The following SPATA18 variants were observed in gnomAD, a reference collection of about 807,000 sequenced individuals.
The protein encoded by SPATA18 is mitochondria-eating protein.
A neutral mutation model predicts 68.1 loss-of-function variants in SPATA18; 54 were observed. The ratio of observed to expected loss-of-function variants is 0.79; its 90% CI spans 0.64 to 0.99. The LOEUF (loss-of-function observed/expected upper bound fraction) is 0.99, where lower values mean the gene tolerates loss of function less well. Ranked by LOEUF, SPATA18 falls within the 50% of genes least tolerant of loss-of-function variation. The pLI, the probability that SPATA18 is intolerant of heterozygous loss-of-function variation, is 0.00. For missense variants in SPATA18, 724 were observed against 681.1 expected (o/e 1.06, Z -0.70); for synonymous variants, 242 against 244.8 (o/e 0.99, Z 0.11).
chr4:52,060,620 T>G, intron 2 of SPATA18, 96 bp downstream of exon 2: 1 of 1,298,106 alleles, frequency 7.7e-7, no homozygotes, highest in Non-Finnish European at 1.1e-6. Flanking sequence ...GTGGTTGGGT[T>G]TCTCTCACTG....
Position 52,060,427 on chromosome 4 carries a change from G to GTGTGATCAAAATCTAAACCATTGC in SPATA18, c.97_120dup (p.Cys33_Cys40dup). ...CTGTTTTGCCCTTGCAGACAAACAC[G>GTGTGATCAAAATCTAAACCATTGC]TGTGATCAAAATCTAAACCATTGCC... On this transcript the variant is annotated inframe_insertion, in exon 2 of 13. Coordinates refer to ENST00000295213, the MANE Select transcript of SPATA18 (RefSeq NM_145263.4). The GTGTGATCAAAATCTAAACCATTGC allele has an allele frequency of 6.2e-7, 1 of 1,613,876 alleles. No individual in the cohort carries two copies. Among genetic ancestry groups the GTGTGATCAAAATCTAAACCATTGC allele is most frequent in the Non-Finnish European group, 8.5e-7 (1 of 1,179,886 alleles).
At chr4:52,083,799 G>A (rs1467304427) in intron 10 of SPATA18, among the ~76,000 whole-genome samples, 1 of 149,830 alleles carries the variant, frequency 6.7e-6, no homozygotes, top group Non-Finnish European at 1.5e-5. Flanking sequence ...GGAGTGCAGT[G>A]GTACGATCTC....
Position 52,076,781 on chromosome 4 carries a change from C to T in SPATA18, c.761C>T (p.Ser254Phe). 1 of 1,612,966 alleles carries T rather than the reference C, an allele frequency of 6.2e-7. No homozygotes were observed. Among genetic ancestry groups the T allele is most frequent in the East Asian group, 2.2e-5 (1 of 44,854 alleles). Residue 254 changes from serine to phenylalanine, a missense_variant and splice_region_variant, in exon 7 of 13, where the codon TCC becomes TTC. By Grantham distance (155) the Ser-to-Phe change is radical. Coordinates refer to ENST00000295213, the MANE Select transcript of SPATA18 (RefSeq NM_145263.4). ...SAEKSALQGR[S>F]SRSRSPSPAP... is the part of the protein sequence containing the mutation. ...GGCTGATTCTCGCTCACCAACAGGTCCTCCAGGAGCCGGTCTCCCAGCCCT... is the reference window on the plus strand; with the variant it reads ...GGCTGATTCTCGCTCACCAACAGGTTCTCCAGGAGCCGGTCTCCCAGCCCT...
At position 52,064,716 on chromosome 4, in the gene SPATA18, C is replaced by T. The variant is rs985889797; in HGVS notation, c.422+2384C>T. Among the ~76,000 whole-genome samples the T allele has an allele frequency of 5.3e-5, 8 of 152,112 alleles. No homozygotes were observed. The East Asian group carries it at 7.7e-4, about 15-fold the overall frequency. ...GGTTGGTTCCATATCTCTGCAATTGCGATTTGTACTGCTATAAACATACAT... is the reference window on the plus strand; with the variant it reads ...GGTTGGTTCCATATCTCTGCAATTGTGATTTGTACTGCTATAAACATACAT... On this transcript the variant is annotated intron_variant, in intron 4 of 12. Transcript: ENST00000295213.
At chr4:52,078,121 AG>A (rs1375027063) in intron 7 of SPATA18, among the ~76,000 whole-genome samples, 2 of 147,564 alleles carry the variant, frequency 1.4e-5, no homozygotes, top group South Asian at 2.2e-4. Context: ...AAAAAAAAAA[AG>A]ACAGAAACTG....
rs1486905597 is a variant in SPATA18, at chr4:52,062,254, G to A, written c.344G>A (p.Ser115Asn). 3 of 1,600,942 alleles carry A rather than the reference G, an allele frequency of 1.9e-6. No homozygotes were observed. Among genetic ancestry groups the A allele is most frequent in the African/African-American group, 1.4e-5 (1 of 73,320 alleles). The change falls in exon 4 of 13, where the codon AGT (serine) becomes AAT (asparagine). Residue 115 changes from serine (S) to asparagine (N), a missense_variant. Coordinates refer to ENST00000295213, the MANE Select transcript of SPATA18 (RefSeq NM_145263.4). ...GATAGGGAGAGACATAAAGATCCCA[G>A]TCCTCGGGATCGGGATATGCAACAG... ...TFDRERHKDP[S>N]PRDRDMQQLD... is the part of the protein sequence containing the mutation.
At chr4:52,088,710 C>T (rs1257771773) in intron 11 of SPATA18, among the ~76,000 whole-genome samples, 2 of 152,056 alleles carry the variant, frequency 1.3e-5, no homozygotes, top group African/African-American at 2.4e-5. Context: ...ATTTTTGCAT[C>T]GATGTTCATC....
intron 10 of SPATA18, chr4:52,083,117 G>A (rs1417514214): frequency 1.5e-5 from 15 of 985,260 alleles, no homozygotes; most frequent in East Asian, 1.1e-4. Flanking sequence ...CTTAGGTACC[G>A]TATGTGAGCA....
At position 52,076,996 on chromosome 4, in the gene SPATA18, G is replaced by A. The variant is rs748544911; in HGVS notation, c.976G>A (p.Asp326Asn). Residue 326 changes from aspartate (D) to asparagine (N), a missense_variant, in exon 7 of 13, where the codon GAC (aspartate) becomes AAC (asparagine). Transcript: ENST00000295213. ...DAQCLLRRCI[D>N]KAETVQRIIY... ...GCAGTGCCTGCTGCGGCGCTGCATC[G>A]ACAAGGCTGAGACCGTTCAGCGGAT... The A allele has an allele frequency of 6.2e-7, 1 of 1,612,310 alleles. No homozygotes were observed. The highest frequency in any genetic ancestry group is 8.5e-7 in the Non-Finnish European group (1 of 1,179,154).
intron 11 of SPATA18, among the ~76,000 whole-genome samples, chr4:52,092,505 C>T (rs1439591260): frequency 6.6e-6 from 1 of 152,200 alleles, no homozygotes; most frequent in African/African-American, 2.4e-5. Flanking sequence ...GGTGATGCCC[C>T]ACCATACATT....
intron 1 of SPATA18, among the ~76,000 whole-genome samples, chr4:52,056,727 G>A (rs988150030): frequency 3.9e-5 from 6 of 152,102 alleles, no homozygotes; most frequent in African/African-American, 1.4e-4. Flanking sequence ...ATAGCCTCCA[G>A]CATCTCTCAG....
rs1395278100 is a variant in SPATA18, at chr4:52,076,892, C to T, written c.872C>T (p.Ser291Phe). The T allele has an allele frequency of 9.3e-6, 15 of 1,614,212 alleles. No individual in the cohort carries two copies. Among genetic ancestry groups the T allele is most frequent in the East Asian group, 2.2e-5 (1 of 44,868 alleles). The change falls in exon 7 of 13, where the codon TCC becomes TTC. Residue 291 changes from serine to phenylalanine, a missense_variant. By Grantham distance (155) the Ser-to-Phe change is radical. Transcript: ENST00000295213. ...GTCAGGAGACCGTCCCCAAACCGCT[C>T]CAAGCTGTCCAATGTGGCGCGCAAG... is the stretch of plus-strand genomic sequence containing the variant. ...VKVRRPSPNRSKLSNVARKAA... is the reference protein window; with the variant it reads ...VKVRRPSPNRFKLSNVARKAA...
chr4:52,091,618 GA>G (rs2109539236), intron 11 of SPATA18, among the ~76,000 whole-genome samples: 1 of 152,306 alleles, frequency 6.6e-6, no homozygotes, highest in Admixed American at 6.5e-5. Context: ...GAGCAGCAAA[GA>G]TTGCTGCCTG....
In SPATA18 at chr4:52,060,817, C is replaced by T. The variant is rs192461616; in HGVS notation, c.229C>T (p.Arg77Cys). Residue 77 changes from arginine to cysteine, a missense_variant, in exon 3 of 13, where the codon CGC becomes TGC. Coordinates refer to ENST00000295213, the MANE Select transcript of SPATA18 (RefSeq NM_145263.4). ...RNDGVETIKS[R>C]LLPWLEASFT... ...TGATGGTGTGGAAACAATCAAGTCACGCCTTTTGCCTTGGCTGGAGGCTTC... is the reference window on the plus strand; with the variant it reads ...TGATGGTGTGGAAACAATCAAGTCATGCCTTTTGCCTTGGCTGGAGGCTTC... The T allele has an allele frequency of 1.2e-4, 201 of 1,614,084 alleles. No individual in the cohort carries two copies. Among genetic ancestry groups the T allele is most frequent in the African/African-American group, 1.5e-4 (11 of 75,032 alleles).
intron 6 of SPATA18, 51 bp from the exon 7 acceptor site, chr4:52,076,728 C>T (rs1560598632): frequency 6.3e-7 from 1 of 1,596,796 alleles, no homozygotes. Context: ...CTTTGCTTTA[C>T]TTAAGAAGCA....
At chr4:52,060,275 T>C in intron 1 of SPATA18, 144 bp from the exon 2 acceptor site, 1 of 605,806 alleles carries the variant, frequency 1.7e-6, no homozygotes, top group Non-Finnish European at 3.0e-6. Context: ...GAAAGGGAGA[T>C]AGGTTTTGGT....
chr4:52,083,051 A>C (rs1476468527), intron 10 of SPATA18: 1 of 984,072 alleles, frequency 1.0e-6, no homozygotes, highest in East Asian at 1.1e-4. Flanking sequence ...TTGGTTATAG[A>C]ATGTTTTGAA....
intron 12 of SPATA18, 85 bp downstream of exon 12, chr4:52,094,657 C>A: frequency 7.1e-7 from 1 of 1,403,672 alleles, no homozygotes; most frequent in Non-Finnish European, 1.0e-6. Context: ...AAAATGAATG[C>A]TTTGCTTCCT....
In SPATA18 at chr4:52,051,473, C is replaced by CGCGCGGGACGGCGGATGAG; in HGVS notation, c.-225_-207dup. On this transcript the variant is annotated 5_prime_UTR_variant, in exon 1 of 13. It adds an upstream start codon to the 5' untranslated region. Coordinates refer to ENST00000295213, the MANE Select transcript of SPATA18 (RefSeq NM_145263.4). ...GGCGGCTGCTGGGGAGCCAGGAGAC[C>CGCGCGGGACGGCGGATGAG]GCGCGGGACGGCGGATGAGGCGCGG... 1 of 538,280 alleles carries CGCGCGGGACGGCGGATGAG rather than the reference C, an allele frequency of 1.9e-6. No individual in the cohort carries two copies. Among genetic ancestry groups the CGCGCGGGACGGCGGATGAG allele is most frequent in the Non-Finnish European group, 3.3e-6 (1 of 301,858 alleles). 33.3% of individuals were successfully genotyped at this position (538,280 alleles called of 1,614,324 possible).
Sources: allele counts gnomAD v4.1 joint callset (sites outside exome capture counted in the v4.1 genomes callset), GRCh38; gene constraint gnomAD v4.1.1; transcripts MANE v1.5; gene names NCBI Gene and HGNC (gene_info 2026-07-23, HGNC 2026-07-21).